Variants in PID1 observed in about 807,000 individuals in gnomAD.
PID1 encodes phosphotyrosine interaction domain containing 1, also known as PTB-containing, cubilin and LRP1-interacting protein.
Under a neutral mutation model 19.1 loss-of-function variants are expected in PID1, and 10 were observed. The ratio of observed to expected loss-of-function variants is 0.52; its 90% CI spans 0.32 to 0.89. PID1 has a LOEUF of 0.89. PID1 is among the 40% of genes least tolerant of loss of function. PID1 has a pLI of 0.03. For missense variants in PID1, 248 were observed against 285.3 expected (o/e 0.87, Z 0.94); for synonymous variants, 130 against 116.0 (o/e 1.12, Z -0.78).
chr2:229,029,304 A>G (rs1167559972), intron 2 of PID1, among the ~76,000 whole-genome samples: 4 of 147,544 alleles, frequency 2.7e-5, no homozygotes, highest in Non-Finnish European at 6.0e-5. Context: ...AAATTAATAG[A>G]TATTTTTTGA....
intron 2 of PID1, among the ~76,000 whole-genome samples, chr2:229,052,332 C>T (rs31275): frequency 6.6e-6 from 1 of 151,986 alleles, no homozygotes; most frequent in Non-Finnish European, 1.5e-5. Context: ...AATGTTTGCA[C>T]CAAATAAATT....
intron 1 of PID1, among the ~76,000 whole-genome samples, chr2:229,171,620 A>G (rs888594015): frequency 1.3e-5 from 2 of 152,216 alleles, no homozygotes; most frequent in African/African-American, 4.8e-5. Context: ...ACACCTGAAT[A>G]CATTGTTTAG....
intron 1 of PID1, among the ~76,000 whole-genome samples, chr2:229,172,554 C>T (rs1163107943): frequency 6.6e-6 from 1 of 152,070 alleles, no homozygotes; most frequent in East Asian, 1.9e-4. Flanking sequence ...CCTCAGTGCA[C>T]GTCTATCTCT....
intron 1 of PID1, among the ~76,000 whole-genome samples, chr2:229,239,878 T>G (rs972495152): frequency 6.6e-6 from 1 of 152,140 alleles, no homozygotes; most frequent in African/African-American, 2.4e-5. Flanking sequence ...GACAGAGGCG[T>G]AAAAGATAAT....
intron 2 of PID1, among the ~76,000 whole-genome samples, chr2:229,065,040 C>T (rs1694293334): frequency 6.6e-6 from 1 of 152,162 alleles, no homozygotes; most frequent in South Asian, 2.1e-4. Flanking sequence ...ATGCCAATCA[C>T]TGGCCCCATA....
At chr2:229,113,615 T>TGTGTGG (rs1400150531) in intron 2 of PID1, among the ~76,000 whole-genome samples, 1 of 148,828 alleles carries the variant, frequency 6.7e-6, no homozygotes, top group Admixed American at 6.8e-5. Context: ...TGTGTGTGTG[T>TGTGTGG]GTGTGTGTAT....
intron 2 of PID1, among the ~76,000 whole-genome samples, chr2:229,051,505 T>G (rs1693995514): frequency 1.3e-5 from 2 of 152,012 alleles, no homozygotes; most frequent in Non-Finnish European, 2.9e-5. Flanking sequence ...CCCTGGCTAA[T>G]TTTTGTATTT....
chr2:229,079,268 G>A (rs1385748156), intron 2 of PID1, among the ~76,000 whole-genome samples: 3 of 152,082 alleles, frequency 2.0e-5, no homozygotes, highest in African/African-American at 7.2e-5. Flanking sequence ...TCCTTTATTT[G>A]CCATGACTGC....
chr2:229,205,985 T>C (rs1691601300), intron 1 of PID1, among the ~76,000 whole-genome samples: 1 of 152,098 alleles, frequency 6.6e-6, no homozygotes. Context: ...AGAGACAAAT[T>C]ATGCCCCGTG....
intron 2 of PID1, among the ~76,000 whole-genome samples, chr2:229,067,814 G>A (rs945738440): frequency 1.3e-5 from 2 of 152,298 alleles, no homozygotes; most frequent in Middle Eastern, 6.8e-3. Context: ...CCCACCTGCT[G>A]GGCCCCACGG....
chr2:229,269,298 G>C (rs10180102), intron 1 of PID1, among the ~76,000 whole-genome samples: 16,625 of 152,312 alleles, frequency 0.11, 1,105 homozygotes, highest in Middle Eastern at 0.21. Context: ...ATGCACACGT[G>C]CACATTTCAC....
intron 2 of PID1, among the ~76,000 whole-genome samples, chr2:229,069,941 G>C (rs1694418576): frequency 1.3e-5 from 2 of 152,154 alleles, no homozygotes; most frequent in Non-Finnish European, 2.9e-5. Context: ...CAAGAGGGGG[G>C]AACAAAACAG....
At chr2:229,226,537 T>G (rs1000317906) in intron 1 of PID1, among the ~76,000 whole-genome samples, 2 of 152,134 alleles carry the variant, frequency 1.3e-5, no homozygotes, top group Non-Finnish European at 2.9e-5. Flanking sequence ...ACTTCCAAGC[T>G]CCAGTGATGT....
chr2:229,139,115 G>GAGAGAGAAAGAA (rs1689949635), intron 2 of PID1, among the ~76,000 whole-genome samples: 4 of 48,056 alleles, frequency 8.3e-5, no homozygotes, highest in African/African-American at 1.9e-4. Flanking sequence ...AAGAAAGAAA[G>GAGAGAGAAAGAA]AGAAAGAAAG....
intron 2 of PID1, among the ~76,000 whole-genome samples, chr2:229,030,053 T>C (rs1275176921): frequency 4.6e-5 from 7 of 152,194 alleles, no homozygotes; most frequent in Non-Finnish European, 7.3e-5. Context: ...ATGTATAATG[T>C]ATACTGGAAT....
intron 1 of PID1, among the ~76,000 whole-genome samples, chr2:229,268,592 G>A (rs1455532216): frequency 1.3e-5 from 2 of 152,156 alleles, no homozygotes; most frequent in African/African-American, 4.8e-5. Context: ...AAATTAGAAT[G>A]TTTGTATTAA....
intron 1 of PID1, among the ~76,000 whole-genome samples, chr2:229,253,494 C>G (rs373206772): frequency 2.6e-4 from 40 of 151,646 alleles, no homozygotes; most frequent in Middle Eastern, 3.4e-3. Flanking sequence ...TGGGCCAGAA[C>G]CTGGAAGCTG....
intron 1 of PID1, among the ~76,000 whole-genome samples, chr2:229,187,907 GGCTTT>G (rs1691169991): frequency 6.6e-6 from 1 of 152,032 alleles, no homozygotes; most frequent in Non-Finnish European, 1.5e-5. Context: ...ATGCTAATCT[GGCTTT>G]AGCCTCATCA....
Position 229,042,580 on chromosome 2 carries a change from G to T in PID1, c.178-16472C>A, listed in dbSNP as rs76977455. On this transcript the variant is annotated intron_variant, in intron 2 of 2. Coordinates refer to ENST00000392055, the MANE Select transcript of PID1 (RefSeq NM_001100818.2). The stretch of plus-strand genomic sequence containing the variant: ...CACACATGTGTGTGGCAAGAAGAGG[G>T]CTGAGGGAGGAGGAGGAGAGTGTAT... 6.0e-4 allele frequency among the ~76,000 whole-genome samples: 92 copies of T among 152,308 alleles called. 1 individual carries two copies. The East Asian group carries it at 0.015, about 25-fold the overall frequency.
Sources: gnomAD v4.1 joint callset for allele counts (sites outside exome capture counted in the v4.1 genomes callset) on GRCh38, gnomAD v4.1.1 for gene constraint, MANE v1.5 for transcripts, NCBI Gene and HGNC (gene_info 2026-07-23, HGNC 2026-07-21) for gene names.